The following NDUFAF6 variants were observed in gnomAD, a reference collection of about 807,000 sequenced individuals.
NDUFAF6 encodes NADH dehydrogenase (ubiquinone) complex I, assembly factor 6.
A neutral mutation model predicts 40.8 loss-of-function variants in NDUFAF6; 45 were observed. That is an observed-to-expected ratio of 1.10 (90% CI 0.87 to 1.42). The LOEUF (loss-of-function observed/expected upper bound fraction) is 1.42. NDUFAF6 is among the 40% of genes most tolerant of loss of function. The probability of loss-of-function intolerance (pLI) is 0.00; values close to 1 mark genes in which losing one functional copy is unlikely to be tolerated. For missense variants in NDUFAF6, 435 were observed against 418.5 expected (o/e 1.04, Z -0.34); for synonymous variants, 185 against 155.9 (o/e 1.19, Z -1.39).
intron 2 of NDUFAF6, among the ~76,000 whole-genome samples, chr8:94,946,930 C>T (rs1463076151): frequency 6.6e-6 from 1 of 152,050 alleles, no homozygotes; most frequent in Non-Finnish European, 1.5e-5. Context: ...GTGAGACTGT[C>T]AACAAGTCAT....
chr8:94,997,343 C>CACACACAGAGAGAG (rs1242904810), intron 2 of NDUFAF6, among the ~76,000 whole-genome samples: 2 of 90,568 alleles, frequency 2.2e-5, no homozygotes, highest in South Asian at 4.7e-4. Context: ...CACACACACA[C>CACACACAGAGAGAG]AGAGAGAGAG....
At chr8:95,089,645 C>T (rs1042408799) in intron 2 of NDUFAF6, among the ~76,000 whole-genome samples, 4 of 152,062 alleles carry the variant, frequency 2.6e-5, no homozygotes, top group Non-Finnish European at 5.9e-5. Flanking sequence ...TGAAACCCTC[C>T]GTAACACAGA....
At chr8:95,057,234 G>A (rs1832291787) in intron 8 of NDUFAF6, among the ~76,000 whole-genome samples, 1 of 152,126 alleles carries the variant, frequency 6.6e-6, no homozygotes. Context: ...AAAAAAGAAA[G>A]ATACTGCACA....
At chr8:95,027,004 C>A (rs761125494) in intron 1 of NDUFAF6, among the ~76,000 whole-genome samples, 11 of 152,118 alleles carry the variant, frequency 7.2e-5, no homozygotes, top group Non-Finnish European at 1.6e-4. Flanking sequence ...CGAGTTTGCT[C>A]CATTGCACTC....
chr8:95,038,773 G>C (rs1829803512), intron 3 of NDUFAF6, among the ~76,000 whole-genome samples: 1 of 152,056 alleles, frequency 6.6e-6, no homozygotes, highest in Non-Finnish European at 1.5e-5. Context: ...TGCTTCCTGG[G>C]TTCAAGCAAT....
At chr8:95,107,104 T>C (rs1260498506), downstream of NDUFAF6, among the ~76,000 whole-genome samples, 2 of 152,184 alleles carry the variant, frequency 1.3e-5, no homozygotes, top group Non-Finnish European at 2.9e-5. Flanking sequence ...GAACCAGAAA[T>C]ACCATTTGTC....
chr8:94,919,220 C>CT (rs1407968446), intron 1 of NDUFAF6, among the ~76,000 whole-genome samples: 2 of 151,928 alleles, frequency 1.3e-5, no homozygotes, highest in African/African-American at 2.4e-5. Context: ...CTTGCTCTGT[C>CT]ACCCAGGTTG....
chr8:95,063,898 G>A (rs1563848491), intron 9 of NDUFAF6, among the ~76,000 whole-genome samples: 1 of 151,086 alleles, frequency 6.6e-6, no homozygotes, highest in Non-Finnish European at 1.5e-5. Context: ...TTGAGACGGA[G>A]TCCTGCTCTG....
chr8:95,076,089 A>T (rs7002090), exon 10 of NDUFAF6: 41,141 of 155,530 alleles, frequency 0.26, 5,437 homozygotes, highest in Middle Eastern at 0.35. Context: ...TTTTTACTTA[A>T]TGTGACATCA....
At chr8:95,076,548 T>C (rs1020541215), downstream of NDUFAF6, among the ~76,000 whole-genome samples, 3 of 152,248 alleles carry the variant, frequency 2.0e-5, no homozygotes, top group Admixed American at 1.3e-4. Context: ...GTGCTCACTG[T>C]GTGCCAGTTA....
At chr8:94,966,281 G>A (rs1357934315) in intron 1 of NDUFAF6, among the ~76,000 whole-genome samples, 1 of 152,152 alleles carries the variant, frequency 6.6e-6, no homozygotes, top group Non-Finnish European at 1.5e-5. Flanking sequence ...TCAGGTTGAT[G>A]TTAAACTATT....
At chr8:95,014,544 C>G (rs570055457) in intron 2 of NDUFAF6, among the ~76,000 whole-genome samples, 77 of 152,276 alleles carry the variant, frequency 5.1e-4, no homozygotes, top group African/African-American at 1.8e-3. Context: ...AGTGACATCC[C>G]CATTGTCACA....
At chr8:95,104,768 C>T (rs547889629), downstream of NDUFAF6, among the ~76,000 whole-genome samples, 8 of 152,070 alleles carry the variant, frequency 5.3e-5, no homozygotes, top group South Asian at 1.0e-3. Flanking sequence ...ACTGCAGCCC[C>T]CTCACAGCAA....
chr8:95,049,701 TCACCTTATCACAAAAGTCTTCCCTGG>T (rs1831218454), intron 7 of NDUFAF6, among the ~76,000 whole-genome samples: 1 of 152,152 alleles, frequency 6.6e-6, no homozygotes, highest in African/African-American at 2.4e-5. Flanking sequence ...TGCTCAAATG[TCACCTTATCACAAAAGTCTTCCCTGG>T]CCACGTTACC....
chr8:95,019,113 C>T (rs967402277), intron 2 of NDUFAF6, among the ~76,000 whole-genome samples: 8 of 152,176 alleles, frequency 5.3e-5, no homozygotes, highest in African/African-American at 1.7e-4. Context: ...CAGCTTCAAG[C>T]GGTTCTCCTG....
intron 2 of NDUFAF6, chr8:94,945,726 T>C (rs968430254): frequency 2.0e-5 from 3 of 152,232 alleles, no homozygotes; most frequent in African/African-American, 7.2e-5. Flanking sequence ...AGAGAAAGCA[T>C]GTGTCCTAAG....
In NDUFAF6 at chr8:95,057,847, G is replaced by C; in HGVS notation, c.912G>C (p.Val304=). ...ACTTTCTAAAGAAAATTCAGCGAGT[G>C]GATTTTGATATATTCCACCCATCTT... ...LEDFLKKIQR[V]DFDIFHPSLQ... The change falls in exon 9 of 9, where the codon GTG becomes GTC. Residue 304 remains valine (V), a synonymous_variant. Transcript: ENST00000396124. The C allele has an allele frequency of 6.2e-7, 1 of 1,611,460 alleles. No homozygotes were observed. Among genetic ancestry groups the C allele is most frequent in the African/African-American group, 1.3e-5 (1 of 74,712 alleles).
At chr8:94,915,439 G>A (rs897645360) in intron 1 of NDUFAF6, among the ~76,000 whole-genome samples, 3 of 152,282 alleles carry the variant, frequency 2.0e-5, no homozygotes, top group East Asian at 3.9e-4. Flanking sequence ...TGTGGTATAT[G>A]TGTACCATGT....
At chr8:95,035,308 T>C (rs907689998) in intron 2 of NDUFAF6, 146 bp from the exon 3 acceptor site, 10 of 706,000 alleles carry the variant, frequency 1.4e-5, no homozygotes, top group Non-Finnish European at 2.4e-5. Context: ...TGTTGTGTTC[T>C]ATAGGTTCCA....
Sources: gnomAD v4.1 joint callset for allele counts (sites outside exome capture counted in the v4.1 genomes callset) on GRCh38, gnomAD v4.1.1 for gene constraint, MANE v1.5 for transcripts, NCBI Gene and HGNC (gene_info 2026-07-23, HGNC 2026-07-21) for gene names.